EIF3D: variants seen among roughly 807,000 people sequenced by gnomAD.
EIF3D encodes the protein eukaryotic translation initiation factor 3 subunit D, also known as eIF3 p66.
Under a neutral mutation model 75.4 loss-of-function variants are expected in EIF3D, and 10 were observed. That is an observed-to-expected ratio of 0.13 (90% CI 0.08 to 0.22). The LOEUF (loss-of-function observed/expected upper bound fraction) is 0.22, where lower values mean the gene tolerates loss of function less well. Among genes scored for constraint, EIF3D ranks in the 10% least tolerant of loss-of-function variants. EIF3D has a pLI of 1.00. For synonymous variants in EIF3D, 246 were observed against 248.3 expected (o/e 0.99, Z 0.09); for missense variants, 394 against 708.0 (o/e 0.56, Z 5.03).
intron 6 of EIF3D, among the ~76,000 whole-genome samples, chr22:36,520,924 A>C (rs1028680120): frequency 1.3e-5 from 2 of 152,198 alleles, no homozygotes; most frequent in Non-Finnish European, 2.9e-5. Flanking sequence ...CTCAAACAAC[A>C]ACCACATAAA....
Position 36,518,817 on chromosome 22 carries a change from C to G in EIF3D, c.805G>C (p.Val269Leu), listed in dbSNP as rs759029765. 2 of 1,614,162 alleles carry G rather than the reference C, an allele frequency of 1.2e-6. No individual in the cohort carries two copies. Among genetic ancestry groups the G allele is most frequent in the East Asian group, 2.2e-5 (1 of 44,878 alleles). Reference protein sequence around the residue: ...TRSVYSWDIVVQRVGSKLFFD... With the variant: ...TRSVYSWDIVLQRVGSKLFFD... Reference sequence around the variant, plus strand: ...AAGAGTTTGGACCCAACTCTCTGGACGACAATATCCCAGGAATACACTGAG... The same window carrying G: ...AAGAGTTTGGACCCAACTCTCTGGAGGACAATATCCCAGGAATACACTGAG... The change falls in exon 9 of 15, where the codon GTC becomes CTC. Residue 269 changes from valine to leucine, a missense_variant. By Grantham distance (32) the Val-to-Leu change is conservative. Transcript: ENST00000216190.
intron 6 of EIF3D, among the ~76,000 whole-genome samples, chr22:36,522,080 G>A (rs892625776): frequency 1.3e-5 from 2 of 152,072 alleles, no homozygotes; most frequent in Admixed American, 6.6e-5. Context: ...CAAGCCAGGC[G>A]CAGTGGCTCA....
chr22:36,525,454 T>C (rs1934584813), intron 3 of EIF3D, among the ~76,000 whole-genome samples: 1 of 152,138 alleles, frequency 6.6e-6, no homozygotes, highest in African/African-American at 2.4e-5. Flanking sequence ...CCCATTTTAA[T>C]AGGCTAGACC....
In EIF3D at chr22:36,529,161, A is replaced by T. The variant is rs1458960846; in HGVS notation, c.-96T>A. The T allele has an allele frequency of 2.5e-6, 1 of 396,878 alleles. No individual in the cohort carries two copies. Among genetic ancestry groups the T allele is most frequent in the Non-Finnish European group, 4.4e-6 (1 of 225,118 alleles). 24.6% of individuals were successfully genotyped at this position (396,878 alleles called of 1,614,324 possible). A position where few individuals can be genotyped will look rare whatever the true frequency, so the allele number is the denominator to read the frequency against. On this transcript the variant is annotated 5_prime_UTR_variant, in exon 1 of 15. Transcript: ENST00000216190. Reference sequence around the variant, plus strand: ...CAGCAGCACTCTTGAGAAACCAGGAAAAGAGGAAACATGCGCGCGCAGCGG... The same window carrying T: ...CAGCAGCACTCTTGAGAAACCAGGATAAGAGGAAACATGCGCGCGCAGCGG...
rs779277948 is a variant in EIF3D at position 36,511,507 on chromosome 22, TTCTTCC to T, written c.1623_1628del (p.Glu546_Glu547del). On this transcript the variant is annotated inframe_deletion, in exon 14 of 15. Coordinates refer to ENST00000216190, the MANE Select transcript of EIF3D (RefSeq NM_003753.4). Reference sequence around the variant, plus strand: ...AGAAAGTGGGCTGCTACACACCTTCTTCTTCCTCTTCTTCCTCCTCCTCTTCCTCCT... The same window carrying T: ...AGAAAGTGGGCTGCTACACACCTTCTTCTTCTTCCTCCTCCTCTTCCTCCT... 1 of 1,613,828 alleles carries T rather than the reference TTCTTCC, an allele frequency of 6.2e-7. No homozygotes were observed. The highest frequency in any genetic ancestry group is 8.5e-7 in the Non-Finnish European group (1 of 1,179,928).
chr22:36,527,410 T>C (rs1227562163), intron 1 of EIF3D, among the ~76,000 whole-genome samples: 1 of 152,236 alleles, frequency 6.6e-6, no homozygotes, highest in South Asian at 2.1e-4. Context: ...TATAGCCCTC[T>C]TGGGAATTAA....
intron 7 of EIF3D, among the ~76,000 whole-genome samples, chr22:36,519,869 C>G (rs1934485591): frequency 6.6e-6 from 1 of 152,164 alleles, no homozygotes; most frequent in African/African-American, 2.4e-5. Context: ...CTAAATTCCA[C>G]CTACTTGTCC....
At chr22:36,528,336 AGCTCAAGAAGGGAAGAGGCCCGAG>A (rs2145881478) in intron 1 of EIF3D, among the ~76,000 whole-genome samples, 1 of 152,238 alleles carries the variant, frequency 6.6e-6, no homozygotes, top group Non-Finnish European at 1.5e-5. Flanking sequence ...TTCTGTCAGA[AGCTCAAGAAGGGAAGAGGCCCGAG>A]GCTCGACCTG....
chr22:36,512,360 C>T, intron 13 of EIF3D, 100 bp downstream of exon 13: 2 of 1,504,140 alleles, frequency 1.3e-6, no homozygotes, highest in Non-Finnish European at 1.8e-6. Context: ...TTTATCTCTG[C>T]CAGTCAATTG....
chr22:36,525,536 C>T (rs1398202152), intron 3 of EIF3D, 128 bp downstream of exon 3: 2 of 1,058,228 alleles, frequency 1.9e-6, no homozygotes, highest in Non-Finnish European at 2.9e-6. Flanking sequence ...CAGAATACAT[C>T]CCTAAAAGTT....
chr22:36,518,893 C>T lies in EIF3D; in HGVS notation c.729G>A (p.Gly243=), dbSNP rs1934468773. Reference sequence around the variant, plus strand: ...GGATGGCATCAGTGGCAAACACATTCCCCTGAGTTTTTGCCAGCTGCAAAG... The same window carrying T: ...GGATGGCATCAGTGGCAAACACATTTCCCTGAGTTTTTGCCAGCTGCAAAG... The part of the protein sequence containing the change: ...PVIRKLAKTQ[G]NVFATDAILA... Residue 243 remains glycine (G), a synonymous_variant, in exon 9 of 15, where the codon GGG becomes GGA. Coordinates refer to ENST00000216190, the MANE Select transcript of EIF3D (RefSeq NM_003753.4). The T allele has an allele frequency of 6.2e-7, 1 of 1,614,120 alleles. No homozygotes were observed. Among genetic ancestry groups the T allele is most frequent in the Non-Finnish European group, 8.5e-7 (1 of 1,179,998 alleles).
At chr22:36,525,548 T>G in intron 3 of EIF3D, 116 bp downstream of exon 3, 3 of 1,176,432 alleles carry the variant, frequency 2.6e-6, no homozygotes, top group Non-Finnish European at 3.7e-6. Flanking sequence ...CTAAAAGTTA[T>G]GAATTATTGT....
intron 9 of EIF3D, 42 bp from the exon 10 acceptor site, chr22:36,517,473 T>A (rs1934446205): frequency 1.3e-6 from 2 of 1,583,114 alleles, no homozygotes; most frequent in Non-Finnish European, 1.7e-6. Context: ...CAACAAAGAG[T>A]CACTGACAAT....
intron 12 of EIF3D, among the ~76,000 whole-genome samples, chr22:36,513,476 T>C (rs113028255): frequency 3.6e-4 from 55 of 152,240 alleles, no homozygotes; most frequent in African/African-American, 1.3e-3. Flanking sequence ...CCAATTTTTG[T>C]ATTTTTGGTA....
intron 1 of EIF3D, among the ~76,000 whole-genome samples, chr22:36,526,595 G>C (rs1325250818): frequency 6.6e-6 from 1 of 150,534 alleles, no homozygotes; most frequent in African/African-American, 2.4e-5. Flanking sequence ...CTAAGACTTA[G>C]TAGTCTTTTC....
At chr22:36,511,393 C>G (rs1934333038) in intron 14 of EIF3D, 110 bp downstream of exon 14, 1 of 1,533,948 alleles carries the variant, frequency 6.5e-7, no homozygotes, top group South Asian at 1.3e-5. Context: ...ACTTAAGTCT[C>G]AGGGAATTCT....
chr22:36,528,881 C>G (rs1934652338), intron 1 of EIF3D, 195 bp downstream of exon 1: 1 of 169,216 alleles, frequency 5.9e-6, no homozygotes, highest in Non-Finnish European at 1.3e-5. Flanking sequence ...GGACCTCACC[C>G]ACAAGGTCGT....
chr22:36,512,751 A>G (rs1429266740), intron 12 of EIF3D, 149 bp from the exon 13 acceptor site: 8 of 883,716 alleles, frequency 9.1e-6, no homozygotes, highest in African/African-American at 1.7e-5. Flanking sequence ...AGACAAAGAC[A>G]TAGTCCCTTC....
intron 12 of EIF3D, among the ~76,000 whole-genome samples, chr22:36,515,402 C>G (rs1039607900): frequency 6.6e-6 from 1 of 152,132 alleles, no homozygotes; most frequent in Admixed American, 6.6e-5. Flanking sequence ...GTGGTGCATG[C>G]CTATAATCCT....
Sources: allele counts gnomAD v4.1 joint callset (sites outside exome capture counted in the v4.1 genomes callset), GRCh38; gene constraint gnomAD v4.1.1; transcripts MANE v1.5; gene names NCBI Gene and HGNC (gene_info 2026-07-23, HGNC 2026-07-21).